The following PHF14 variants were observed in gnomAD, a reference collection of about 807,000 sequenced individuals.
PHF14 encodes the protein PHD finger protein 14.
PHF14 carries 55 observed loss-of-function variants against 117.9 expected under a neutral mutation model. That is an observed-to-expected ratio of 0.47 (90% CI 0.38 to 0.58). PHF14 has a LOEUF of 0.58. Among genes scored for constraint, PHF14 ranks in the 20% least tolerant of loss-of-function variants. The pLI is 0.00. For synonymous variants in PHF14, 409 were observed against 368.6 expected, an observed-to-expected ratio of 1.11 and a Z score of -1.26; for missense variants, 978 against 1,122.2, an observed-to-expected ratio of 0.87 and a Z score of 1.84.
chr7:10,983,671 C>T (rs1782122126), intron 3 of PHF14, among the ~76,000 whole-genome samples: 1 of 152,158 alleles, frequency 6.6e-6, no homozygotes, highest in African/African-American at 2.4e-5. Flanking sequence ...CACTCATCAT[C>T]TTTTTAGTCA....
At chr7:11,145,061 C>A (rs1030219905) in intron 17 of PHF14, among the ~76,000 whole-genome samples, 1 of 151,710 alleles carries the variant, frequency 6.6e-6, no homozygotes, top group Non-Finnish European at 1.5e-5. Flanking sequence ...ATATTTAATA[C>A]CTCTGAACTG....
At chr7:11,025,075 A>T (rs969154091) in intron 6 of PHF14, among the ~76,000 whole-genome samples, 19 of 152,186 alleles carry the variant, frequency 1.2e-4, no homozygotes, top group African/African-American at 4.6e-4. Context: ...AGTTGATTGC[A>T]GCCTTCATGG....
intron 6 of PHF14, among the ~76,000 whole-genome samples, chr7:11,028,227 C>T (rs1174961729): frequency 6.6e-6 from 1 of 152,098 alleles, no homozygotes; most frequent in African/African-American, 2.4e-5. Context: ...TTAACTATCT[C>T]ATGTAATTTA....
intron 16 of PHF14, among the ~76,000 whole-genome samples, chr7:11,101,628 T>C (rs1222198920): frequency 6.6e-6 from 1 of 151,942 alleles, no homozygotes; most frequent in Non-Finnish European, 1.5e-5. Context: ...TTGGAGGTTA[T>C]TCAGTTTGGC....
chr7:11,087,909 AAACT>A (rs1448091771), intron 16 of PHF14, among the ~76,000 whole-genome samples: 2 of 152,252 alleles, frequency 1.3e-5, no homozygotes, highest in African/African-American at 2.4e-5. Flanking sequence ...GTATAACTTG[AAACT>A]AACATAACAA....
At chr7:10,988,468 G>C (rs545925408) in intron 3 of PHF14, among the ~76,000 whole-genome samples, 4 of 150,186 alleles carry the variant, frequency 2.7e-5, no homozygotes, top group African/African-American at 9.8e-5. Context: ...TTACCACACA[G>C]TCCATAAAGA....
chr7:11,043,962 T>A (rs1302307081), intron 13 of PHF14, among the ~76,000 whole-genome samples: 2 of 152,054 alleles, frequency 1.3e-5, no homozygotes, highest in African/African-American at 4.8e-5. Context: ...AGAGCTCTGG[T>A]TTCCAGCATG....
At chr7:11,159,938 A>C (rs1332221550) in intron 17 of PHF14, among the ~76,000 whole-genome samples, 1 of 152,180 alleles carries the variant, frequency 6.6e-6, no homozygotes, top group African/African-American at 2.4e-5. Flanking sequence ...TTTTAGATTC[A>C]AGAGGTACAT....
At chr7:11,098,416 C>G (rs573060287) in intron 16 of PHF14, among the ~76,000 whole-genome samples, 3 of 152,074 alleles carry the variant, frequency 2.0e-5, no homozygotes, top group African/African-American at 4.8e-5. Context: ...TTTCTCTGTT[C>G]CTCACTTCTG....
rs1783437098 is a variant in PHF14, at chr7:11,013,925, T to C, written c.1205+19T>C. On this transcript the variant is annotated intron_variant, in intron 5 of 17. Transcript: ENST00000634607. Reference sequence around the variant, plus strand: ...CTGGAAGGTTAATGTCCTAATTATGTTGGTTCATATGTTTGCTTTATAATG... The same window carrying C: ...CTGGAAGGTTAATGTCCTAATTATGCTGGTTCATATGTTTGCTTTATAATG... The C allele has an allele frequency of 1.9e-6, 3 of 1,558,358 alleles. No homozygotes were observed. The highest frequency in any genetic ancestry group is 1.7e-5 in the Admixed American group (1 of 58,796).
intron 4 of PHF14, among the ~76,000 whole-genome samples, chr7:11,000,088 A>T (rs1008086358): frequency 2.0e-5 from 3 of 152,174 alleles, no homozygotes; most frequent in Admixed American, 6.6e-5. Flanking sequence ...TGTATAATTA[A>T]TTTATTGGTA....
At position 11,102,665 on chromosome 7, in the gene PHF14, T is replaced by C. The variant is rs371675860; in HGVS notation, c.2655-8685T>C. 2.1e-4 allele frequency: 315 copies of C among 1,492,054 alleles called. 2 individuals carry two copies. In the African/African-American group the frequency reaches 4.1e-3, roughly 20 times the overall value. 92.4% of individuals were successfully genotyped at this position (1,492,054 alleles called of 1,614,324 possible). A position where few individuals can be genotyped will look rare whatever the true frequency, so the allele number is the denominator to read the frequency against. On this transcript the variant is annotated intron_variant, in intron 16 of 17. Transcript: ENST00000634607. The stretch of plus-strand genomic sequence containing the variant: ...TCACTGCAAAAAGTTGCCTTTTGCT[T>C]GTCAGGTTTGGATAGAATATAATTG...
intron 17 of PHF14, among the ~76,000 whole-genome samples, chr7:11,136,232 C>T (rs760732345): frequency 2.0e-5 from 3 of 151,960 alleles, no homozygotes; most frequent in Non-Finnish European, 4.4e-5. Context: ...TATTGTATGC[C>T]GTGGTGGGAT....
At chr7:11,153,175 A>G (rs993323711) in intron 17 of PHF14, among the ~76,000 whole-genome samples, 2 of 152,228 alleles carry the variant, frequency 1.3e-5, no homozygotes, top group East Asian at 3.9e-4. Context: ...TTAGGAAGCT[A>G]TTGGATTAAT....
chr7:11,028,823 GTTTA>G lies in PHF14; in HGVS notation c.1455+10_1455+13del, dbSNP rs1784018014. On this transcript the variant is annotated splice_donor_region_variant and intron_variant, in intron 7 of 17. Transcript: ENST00000634607. ...TCAGAGGCAGCGGCGGAAGAGGTAG[GTTTA>G]TTTAAACCCATAGTTGGTGAACATG... 1.2e-6 allele frequency: 2 copies of G among 1,613,036 alleles called. No homozygotes were observed.
intron 16 of PHF14, among the ~76,000 whole-genome samples, chr7:11,073,236 A>G (rs1785692021): frequency 6.6e-6 from 1 of 152,168 alleles, no homozygotes; most frequent in African/African-American, 2.4e-5. Flanking sequence ...AGTTCCTTCC[A>G]TCTATGAGCC....
intron 4 of PHF14, chr7:11,006,964 C>T (rs189129793): frequency 2.4e-6 from 1 of 420,930 alleles, no homozygotes; most frequent in African/African-American, 2.0e-5. Context: ...CACCTGAAGT[C>T]AGGAGTTTGA....
chr7:11,131,130 C>T (rs12667160), intron 17 of PHF14, among the ~76,000 whole-genome samples: 65,472 of 151,520 alleles, frequency 0.43, 14,737 homozygotes, highest in East Asian at 0.73. Flanking sequence ...TTATGAATAA[C>T]GCTACTATAA....
At chr7:11,095,240 G>T (rs1241151012) in intron 16 of PHF14, among the ~76,000 whole-genome samples, 1 of 152,058 alleles carries the variant, frequency 6.6e-6, no homozygotes, top group African/African-American at 2.4e-5. Context: ...ACTCTATAAG[G>T]TGGTTACTGT....
Sources: gnomAD v4.1 joint callset for allele counts (sites outside exome capture counted in the v4.1 genomes callset) on GRCh38, gnomAD v4.1.1 for gene constraint, MANE v1.5 for transcripts, NCBI Gene and HGNC (gene_info 2026-07-23, HGNC 2026-07-21) for gene names.